KIF21A: variants seen among roughly 807,000 people sequenced by gnomAD.
KIF21A encodes kinesin-like protein KIF21A.
A neutral mutation model predicts 202.9 loss-of-function variants in KIF21A; 114 were observed. The observed-to-expected ratio is 0.56, with a 90% CI of 0.48 to 0.66. The LOEUF (loss-of-function observed/expected upper bound fraction) is 0.66. Among genes scored for constraint, KIF21A ranks in the 30% least tolerant of loss-of-function variants. The pLI is 0.00. For synonymous variants in KIF21A, 667 were observed against 670.8 expected (o/e 0.99, Z 0.09); for missense variants, 1,677 against 1,994.9 (o/e 0.84, Z 3.04).
At position 39,294,367 on chromosome 12, in the gene KIF21A, A is replaced by G. The variant is rs946691077; in HGVS notation, c.*57T>C. On this transcript the variant is annotated 3_prime_UTR_variant, in exon 38 of 38. Coordinates refer to ENST00000361418, the MANE Select transcript of KIF21A (RefSeq NM_001173464.2). ...TAGTAAGTACAGGACAACATTTTCC[A>G]TAAAGAATACAGAGTATTATCACAG... 8 of 1,319,948 alleles carry G rather than the reference A, an allele frequency of 6.1e-6. No homozygotes were observed. Among genetic ancestry groups the G allele is most frequent in the Admixed American group, 5.0e-5 (3 of 59,566 alleles). The allele number at this position is 1,319,948 out of a possible 1,614,324, so 81.8% of individuals were successfully genotyped here. A position where few individuals can be genotyped will look rare whatever the true frequency, so the allele number is the denominator to read the frequency against.
chr12:39,378,649 A>T (rs1741891768), intron 1 of KIF21A, among the ~76,000 whole-genome samples: 1 of 152,172 alleles, frequency 6.6e-6, no homozygotes, highest in Non-Finnish European at 1.5e-5. Flanking sequence ...GCCCACAGAA[A>T]ATTTCATTTG....
rs759205021 is a variant in KIF21A at position 39,309,563 on chromosome 12, C to T, written c.4277+23G>A. The T allele has an allele frequency of 6.5e-6, 10 of 1,531,588 alleles. No homozygotes were observed. The East Asian group carries it at 1.4e-4, about 21-fold the overall frequency. 94.9% of individuals were successfully genotyped at this position (1,531,588 alleles called of 1,614,324 possible). The stretch of plus-strand genomic sequence containing the variant: ...AAAGAAGAGCTATTCCTCCTTTATG[C>T]TATATGTCTTCAAGTTACTTACGTT... On this transcript the variant is annotated intron_variant, in intron 33 of 37. Transcript: ENST00000361418.
At chr12:39,315,391 T>A (rs373657239) in intron 30 of KIF21A, 151 bp from the exon 31 acceptor site, 1 of 699,774 alleles carries the variant, frequency 1.4e-6, no homozygotes, top group Non-Finnish European at 2.5e-6. Flanking sequence ...TGAAAAAAAA[T>A]AACAGTTATT....
intron 8 of KIF21A, 142 bp from the exon 9 acceptor site, chr12:39,357,579 A>G (rs2138849196): frequency 5.6e-6 from 4 of 718,542 alleles, no homozygotes; most frequent in South Asian, 1.5e-5. Context: ...AAATCCTTTC[A>G]CCTCTAGTAG....
chr12:39,367,679 C>T (rs1374662922), intron 4 of KIF21A, among the ~76,000 whole-genome samples: 2 of 152,080 alleles, frequency 1.3e-5, no homozygotes, highest in African/African-American at 4.8e-5. Flanking sequence ...GATGCTATGA[C>T]AAATATGCTG....
intron 28 of KIF21A, among the ~76,000 whole-genome samples, chr12:39,319,316 T>G (rs1944944268): frequency 6.6e-6 from 1 of 152,198 alleles, no homozygotes; most frequent in Non-Finnish European, 1.5e-5. Flanking sequence ...CATGCTGTCA[T>G]GTTGCAATTT....
chr12:39,317,577 G>T (rs556087040), intron 29 of KIF21A, among the ~76,000 whole-genome samples: 39 of 152,086 alleles, frequency 2.6e-4, no homozygotes, highest in Non-Finnish European at 4.3e-4. Flanking sequence ...TTTATTCCAA[G>T]AACACAATTA....
chr12:39,331,825 C>T (rs1946532414), intron 21 of KIF21A, 34 bp from the exon 22 acceptor site: 2 of 1,484,404 alleles, frequency 1.3e-6, no homozygotes, highest in South Asian at 2.3e-5. Flanking sequence ...ATGACCATTA[C>T]TTTGAGCTGA....
chr12:39,393,002 T>A (rs979578939), intron 1 of KIF21A, among the ~76,000 whole-genome samples: 1 of 148,852 alleles, frequency 6.7e-6, no homozygotes, highest in Admixed American at 6.8e-5. Flanking sequence ...CCATACTAGA[T>A]GTTTACATAA....
chr12:39,322,763 C>T lies in KIF21A; in HGVS notation c.3576G>A (p.Gly1192=), dbSNP rs1180849814. Residue 1192 remains glycine, a synonymous_variant, in exon 27 of 38, where the codon GGG becomes GGA. Coordinates refer to ENST00000361418, the MANE Select transcript of KIF21A (RefSeq NM_001173464.2). Reference sequence around the variant, plus strand: ...TCTCTGTATTCATTCCAATCTCTTGCCCTTCTGCAACAGGTGTGAGAGGGC... The same window carrying T: ...TCTCTGTATTCATTCCAATCTCTTGTCCTTCTGCAACAGGTGTGAGAGGGC... ...LPGPLTPVAE[G]QEIGMNTETS... 6.2e-7 allele frequency: 1 copy of T among 1,614,030 alleles called. No individual in the cohort carries two copies. The highest frequency in any genetic ancestry group is 8.5e-7 in the Non-Finnish European group (1 of 1,180,030).
At chr12:39,396,530 A>G (rs769442064) in intron 1 of KIF21A, among the ~76,000 whole-genome samples, 14 of 152,238 alleles carry the variant, frequency 9.2e-5, no homozygotes, top group Admixed American at 2.6e-4. Flanking sequence ...TCCTCAGATA[A>G]TGAATTAAAA....
chr12:39,309,915 T>G (rs1386046249), intron 32 of KIF21A, 149 bp from the exon 33 acceptor site: 2 of 713,796 alleles, frequency 2.8e-6, no homozygotes, highest in East Asian at 5.4e-5. Context: ...AACTTCATCC[T>G]TGACCCTCTG....
intron 1 of KIF21A, among the ~76,000 whole-genome samples, chr12:39,425,367 G>A (rs992349506): frequency 3.3e-5 from 5 of 152,158 alleles, no homozygotes; most frequent in Non-Finnish European, 7.3e-5. Flanking sequence ...GCAGTCAAAT[G>A]GTTTTTGACA....
At chr12:39,419,948 T>G (rs1592669004) in intron 1 of KIF21A, among the ~76,000 whole-genome samples, 1 of 151,812 alleles carries the variant, frequency 6.6e-6, no homozygotes, top group Admixed American at 6.6e-5. Context: ...CATCTCAGAG[T>G]GTCCACCCGG....
intron 27 of KIF21A, chr12:39,321,770 T>C (rs1055720736): frequency 2.0e-5 from 3 of 152,210 alleles, no homozygotes; most frequent in South Asian, 2.1e-4. Context: ...TGTGCCACTT[T>C]TGGGGGGGCA....
intron 37 of KIF21A, among the ~76,000 whole-genome samples, chr12:39,298,607 T>A (rs757250819): frequency 2.0e-5 from 3 of 152,162 alleles, no homozygotes; most frequent in Non-Finnish European, 4.4e-5. Context: ...TAAAAACAAG[T>A]GTTAAAAACA....
intron 31 of KIF21A, chr12:39,311,848 A>C: frequency 3.0e-6 from 1 of 336,766 alleles, no homozygotes. Flanking sequence ...ACGAAGCCAC[A>C]ATGGGAATTA....
intron 1 of KIF21A, among the ~76,000 whole-genome samples, chr12:39,383,367 C>T (rs1269345606): frequency 6.6e-6 from 1 of 152,168 alleles, no homozygotes; most frequent in Non-Finnish European, 1.5e-5. Flanking sequence ...CCCCTTCCGG[C>T]AAAGGCCTAA....
intron 1 of KIF21A, among the ~76,000 whole-genome samples, chr12:39,401,845 T>A (rs1952192913): frequency 1.3e-5 from 2 of 152,262 alleles, no homozygotes; most frequent in South Asian, 2.1e-4. Flanking sequence ...TAATATTTTT[T>A]AAAAAAGGAG....
Sources: allele counts gnomAD v4.1 joint callset (sites outside exome capture counted in the v4.1 genomes callset), GRCh38; gene constraint gnomAD v4.1.1; transcripts MANE v1.5; gene names NCBI Gene and HGNC (gene_info 2026-07-23, HGNC 2026-07-21).